HPSE2: variants seen among roughly 807,000 people sequenced by gnomAD.
HPSE2 encodes heparanase 2 (inactive).
A neutral mutation model predicts 60.5 loss-of-function variants in HPSE2; 38 were observed. The observed-to-expected ratio is 0.63, with a 90% CI of 0.48 to 0.82. The LOEUF (loss-of-function observed/expected upper bound fraction) is 0.82. HPSE2 is among the 40% of genes least tolerant of loss of function. The pLI, the probability that HPSE2 is intolerant of heterozygous loss-of-function variation, is 0.00. For synonymous variants in HPSE2, 295 were observed against 293.2 expected (o/e 1.01, Z -0.06); for missense variants, 713 against 740.4 (o/e 0.96, Z 0.43).
rs184673154 is a variant in HPSE2 at position 99,147,229 on chromosome 10, A to G, written c.449-2830T>C. 2.6e-4 allele frequency among the ~76,000 whole-genome samples: 39 copies of G among 152,356 alleles called. 1 individual carries two copies. The highest frequency in any genetic ancestry group is 2.0e-3 in the Admixed American group (30 of 15,302). ...TTTCAGTGCTCTTTCCAGAGCTCCT[A>G]TATGAAACTCATGAGCTTAAGAGTA... On this transcript the variant is annotated intron_variant, in intron 2 of 11. Transcript: ENST00000370552.
chr10:98,710,572 G>A (rs532001412), intron 5 of HPSE2, among the ~76,000 whole-genome samples: 2 of 152,200 alleles, frequency 1.3e-5, no homozygotes, highest in South Asian at 4.1e-4. Context: ...AATCCTGAAT[G>A]AAGAAAGGAA....
At chr10:98,681,009 C>A (rs569159548) in intron 6 of HPSE2, among the ~76,000 whole-genome samples, 5 of 152,060 alleles carry the variant, frequency 3.3e-5, no homozygotes, top group Non-Finnish European at 5.9e-5. Context: ...AGTGATCCAC[C>A]CACCTCAGCC....
In HPSE2 at chr10:99,152,759, G is replaced by A. The variant is rs188345163; in HGVS notation, c.449-8360C>T. 1.9e-4 allele frequency among the ~76,000 whole-genome samples: 29 copies of A among 152,298 alleles called. 1 individual carries two copies. Among genetic ancestry groups the A allele is most frequent in the African/African-American group, 6.7e-4 (28 of 41,580 alleles). ...ATGAGGGGGAGGAGCCAAGATGGCC[G>A]AATAGGAACAGCTCCAGTCTACAGC... On this transcript the variant is annotated intron_variant, in intron 2 of 11. Transcript: ENST00000370552.
chr10:99,158,819 T>G, intron 2 of HPSE2, among the ~76,000 whole-genome samples: 1 of 152,032 alleles, frequency 6.6e-6, no homozygotes, highest in South Asian at 2.1e-4. Flanking sequence ...ACTAGTCTTT[T>G]TAAGAATCTT....
chr10:99,235,025 C>T (rs1163581458), intron 1 of HPSE2, among the ~76,000 whole-genome samples: 1 of 152,028 alleles, frequency 6.6e-6, no homozygotes, highest in Admixed American at 6.5e-5. Flanking sequence ...ACTGACGAAA[C>T]GATCTTTCCG....
rs1843919918 is a variant in HPSE2, at chr10:99,100,533, G to C, written c.610+43705C>G. Among the ~76,000 whole-genome samples, 4 of 152,210 alleles carry C rather than the reference G, an allele frequency of 2.6e-5. No individual in the cohort carries two copies. The South Asian group carries it at 8.3e-4, about 32-fold the overall frequency. On this transcript the variant is annotated intron_variant, in intron 3 of 11. Transcript: ENST00000370552. ...ACATCTGACTGGTGTACCTGAAAGT[G>C]ACGGGGAGAACGGAACCAAGTTGGA...
intron 2 of HPSE2, among the ~76,000 whole-genome samples, chr10:99,173,777 T>C (rs760201936): frequency 1.3e-5 from 2 of 152,002 alleles, no homozygotes; most frequent in Non-Finnish European, 2.9e-5. Context: ...AACCCGTCTC[T>C]ACTAAAAGTA....
At chr10:98,998,355 A>G (rs1157755325) in intron 3 of HPSE2, among the ~76,000 whole-genome samples, 3 of 152,238 alleles carry the variant, frequency 2.0e-5, no homozygotes, top group African/African-American at 7.2e-5. Flanking sequence ...ATAGTCTTAA[A>G]GTATCTTCCT....
rs551509626 is a variant in HPSE2 at position 98,910,982 on chromosome 10, T to A, written c.611-166926A>T. On this transcript the variant is annotated intron_variant, in intron 3 of 11. Transcript: ENST00000370552. The stretch of plus-strand genomic sequence containing the variant: ...ACCAGAAAATGTTGAGACTTTCTGA[T>A]GAAGAACATAAAAAATCAGAATAGA... Among the ~76,000 whole-genome samples, 4 of 151,816 alleles carry A rather than the reference T, an allele frequency of 2.6e-5. No individual in the cohort carries two copies. In the South Asian group the frequency reaches 8.3e-4, roughly 32 times the overall value.
chr10:99,271,459 A>G, the HPSE2 span, among the ~76,000 whole-genome samples: 1 of 152,002 alleles, frequency 6.6e-6, no homozygotes, highest in Non-Finnish European at 1.5e-5. Flanking sequence ...GACCTCTACA[A>G]GGAAAACTAC....
chr10:98,808,629 A>T (rs1951097158), intron 3 of HPSE2, among the ~76,000 whole-genome samples: 1 of 152,174 alleles, frequency 6.6e-6, no homozygotes, highest in South Asian at 2.1e-4. Flanking sequence ...TTGGTAAAGC[A>T]TGTTATTTTA....
chr10:99,309,350 A>C, the HPSE2 span, among the ~76,000 whole-genome samples: 2 of 152,262 alleles, frequency 1.3e-5, no homozygotes, highest in African/African-American at 4.8e-5. Flanking sequence ...AATATATCTC[A>C]AACTATTTAA....
intron 3 of HPSE2, among the ~76,000 whole-genome samples, chr10:99,127,597 C>A (rs1845212269): frequency 6.6e-6 from 1 of 152,126 alleles, no homozygotes; most frequent in South Asian, 2.1e-4. Context: ...AGAAAACTTC[C>A]CTGGCCTTGC....
chr10:98,503,687 A>G (rs953735539), intron 9 of HPSE2, among the ~76,000 whole-genome samples: 5 of 152,238 alleles, frequency 3.3e-5, no homozygotes, highest in Admixed American at 6.5e-5. Context: ...CTCAGCCATA[A>G]AAAGGATGAA....
chr10:98,629,053 C>T (rs1946291693), intron 7 of HPSE2, among the ~76,000 whole-genome samples: 1 of 152,218 alleles, frequency 6.6e-6, no homozygotes, highest in South Asian at 2.1e-4. Flanking sequence ...CTCTTGAGAG[C>T]CTGGCTTCAG....
intron 3 of HPSE2, among the ~76,000 whole-genome samples, chr10:99,059,340 C>G (rs146841286): frequency 7.2e-5 from 11 of 152,284 alleles, no homozygotes; most frequent in South Asian, 2.1e-4. Flanking sequence ...ATTTTTCGCT[C>G]TCAGGATCAG....
chr10:98,882,489 C>T (rs1336230830), intron 3 of HPSE2, among the ~76,000 whole-genome samples: 1 of 151,910 alleles, frequency 6.6e-6, no homozygotes, highest in South Asian at 2.1e-4. Context: ...GGGTTCGAAT[C>T]AGCTTTGTGT....
At chr10:98,724,938 GA>G (rs1278291074) in intron 4 of HPSE2, among the ~76,000 whole-genome samples, 1 of 152,090 alleles carries the variant, frequency 6.6e-6, no homozygotes, top group Non-Finnish European at 1.5e-5. Flanking sequence ...CAAGGGATGT[GA>G]AGGACCTCTT....
intron 2 of HPSE2, among the ~76,000 whole-genome samples, chr10:99,208,118 C>T (rs1396139881): frequency 6.6e-6 from 1 of 151,244 alleles, no homozygotes; most frequent in Non-Finnish European, 1.5e-5. Flanking sequence ...TTCTTTCTTC[C>T]TCTTTCTCTC....
Sources: allele counts gnomAD v4.1 joint callset (sites outside exome capture counted in the v4.1 genomes callset), GRCh38; gene constraint gnomAD v4.1.1; transcripts MANE v1.5; gene names NCBI Gene and HGNC (gene_info 2026-07-23, HGNC 2026-07-21).